The following MRTFA variants were observed in gnomAD, a reference collection of about 807,000 sequenced individuals.
MRTFA encodes the protein myocardin-related transcription factor A.
Under a neutral mutation model 83.5 loss-of-function variants are expected in MRTFA, and 20 were observed. The observed-to-expected ratio is 0.24, with a 90% CI of 0.17 to 0.35. MRTFA has a LOEUF of 0.35. Among genes scored for constraint, MRTFA ranks in the 10% least tolerant of loss-of-function variants. The pLI is 1.00. For synonymous variants in MRTFA, 659 were observed against 541.2 expected (o/e 1.22, Z -3.02); for missense variants, 1,200 against 1,224.7 (o/e 0.98, Z 0.30).
chr22:40,431,577 A>C, intron 5 of MRTFA, 97 bp from the exon 6 acceptor site: 1 of 1,141,318 alleles, frequency 8.8e-7, no homozygotes, highest in Non-Finnish European at 1.3e-6. Context: ...GTAGCTGCTG[A>C]CCACCTCTGC....
At chr22:40,581,627 A>T in intron 2 of MRTFA, among the ~76,000 whole-genome samples, 1 of 152,308 alleles carries the variant, frequency 6.6e-6, no homozygotes, top group East Asian at 1.9e-4. Flanking sequence ...TTAGTTCTAG[A>T]TTATAATATG....
At chr22:40,600,246 G>A (rs1207473193) in intron 1 of MRTFA, among the ~76,000 whole-genome samples, 1 of 152,086 alleles carries the variant, frequency 6.6e-6, no homozygotes, top group Non-Finnish European at 1.5e-5. Context: ...ACAAGTAAGG[G>A]AGGCAGAAAT....
At chr22:40,538,043 G>A (rs2055216675) in intron 3 of MRTFA, among the ~76,000 whole-genome samples, 1 of 21,898 alleles carries the variant, frequency 4.6e-5, no homozygotes, top group South Asian at 9.1e-4. Flanking sequence ...CCCTCTGCCC[G>A]GCCACCACCC....
chr22:40,511,997 A>G (rs1053598886), intron 3 of MRTFA, among the ~76,000 whole-genome samples: 4 of 152,218 alleles, frequency 2.6e-5, no homozygotes, highest in Admixed American at 2.6e-4. Flanking sequence ...AATCCTGAGT[A>G]GTACAGAACG....
At chr22:40,576,219 C>T (rs1051570105) in intron 2 of MRTFA, among the ~76,000 whole-genome samples, 3 of 151,740 alleles carry the variant, frequency 2.0e-5, no homozygotes, top group African/African-American at 7.3e-5. Context: ...TTAGTACAGA[C>T]GGGGTTTTGC....
chr22:40,456,425 C>T (rs749249122), intron 4 of MRTFA, among the ~76,000 whole-genome samples: 1 of 152,150 alleles, frequency 6.6e-6, no homozygotes, highest in Non-Finnish European at 1.5e-5. Context: ...CAGTGGCTCA[C>T]GCCTGTGATC....
chr22:40,606,229 T>C (rs1404539753), intron 1 of MRTFA, among the ~76,000 whole-genome samples: 2 of 152,254 alleles, frequency 1.3e-5, no homozygotes, highest in Non-Finnish European at 2.9e-5. Context: ...TAGTAGTGTT[T>C]GTAATTGATA....
At chr22:40,535,356 TTTTTTTTTTC>T (rs1284277144) in intron 3 of MRTFA, among the ~76,000 whole-genome samples, 1 of 136,638 alleles carries the variant, frequency 7.3e-6, no homozygotes, top group Non-Finnish European at 1.6e-5. Context: ...TTCTTTTTTT[TTTTTTTTTTC>T]TTTTTGAGAC....
intron 3 of MRTFA, among the ~76,000 whole-genome samples, chr22:40,500,019 T>TC (rs767286297): frequency 7.3e-6 from 1 of 137,092 alleles, no homozygotes; most frequent in Non-Finnish European, 1.5e-5. Context: ...AACGTCCGCC[T>TC]CCAGGGTTCA....
At position 40,483,694 on chromosome 22, in the gene MRTFA, A is replaced by T. The variant is rs865992877; in HGVS notation, c.242-20408T>A. Among the ~76,000 whole-genome samples the T allele has an allele frequency of 3.9e-5, 6 of 151,968 alleles. No homozygotes were observed. The South Asian group carries it at 6.2e-4, about 16-fold the overall frequency. ...AGTGAGACTGTCTCAATAAAAAAAA[A>T]AAAATTAAAATTAAAATAAAAAGAT... On this transcript the variant is annotated intron_variant, in intron 3 of 14. Coordinates refer to ENST00000355630, the MANE Select transcript of MRTFA (RefSeq NM_020831.6).
At chr22:40,603,996 G>A (rs984700054) in intron 1 of MRTFA, among the ~76,000 whole-genome samples, 12 of 151,874 alleles carry the variant, frequency 7.9e-5, no homozygotes, top group Admixed American at 1.3e-4. Flanking sequence ...TGTTTCAAAT[G>A]TTCCATAATA....
intron 1 of MRTFA, among the ~76,000 whole-genome samples, chr22:40,605,372 A>C (rs1244900858): frequency 6.6e-6 from 1 of 152,230 alleles, no homozygotes; most frequent in Non-Finnish European, 1.5e-5. Flanking sequence ...CTTTTTAGAT[A>C]TAGTGATAAG....
chr22:40,411,323 C>T lies in MRTFA; in HGVS notation c.*67G>A, dbSNP rs1172626475. 5.4e-6 allele frequency: 8 copies of T among 1,478,466 alleles called. No homozygotes were observed. In the East Asian group the frequency reaches 9.2e-5, roughly 17 times the overall value. The allele number at this position is 1,478,466 out of a possible 1,614,324, so 91.6% of individuals were successfully genotyped here. On this transcript the variant is annotated 3_prime_UTR_variant, in exon 15 of 15. Coordinates refer to ENST00000355630, the MANE Select transcript of MRTFA (RefSeq NM_020831.6). Reference sequence around the variant, plus strand: ...AACCATGTGGAGAGGCCGAATCACGCAGGAGAGCCACGCATTGGAGTACCC... The same window carrying T: ...AACCATGTGGAGAGGCCGAATCACGTAGGAGAGCCACGCATTGGAGTACCC...
chr22:40,513,329 G>A lies in MRTFA; in HGVS notation c.241+38777C>T, dbSNP rs531409023. Among the ~76,000 whole-genome samples, 17 of 152,216 alleles carry A rather than the reference G, an allele frequency of 1.1e-4. No homozygotes were observed. In the South Asian group the frequency reaches 1.2e-3, roughly 11 times the overall value. On this transcript the variant is annotated intron_variant, in intron 3 of 14. Transcript: ENST00000355630. ...GTTAAACTTCTTGCAGGCCTGGCAC[G>A]GTGGCTCACGCCTGTAATCCCACCA...
At chr22:40,412,190 A>G (rs2052569163) in intron 14 of MRTFA, 1 of 268,066 alleles carries the variant, frequency 3.7e-6, no homozygotes, top group Non-Finnish European at 6.9e-6. Flanking sequence ...ATTTGAACAG[A>G]CATTTTTCCA....
chr22:40,573,797 G>A (rs934936001), intron 2 of MRTFA, among the ~76,000 whole-genome samples: 1 of 151,888 alleles, frequency 6.6e-6, no homozygotes, highest in Admixed American at 6.6e-5. Context: ...TTCGCTGGGT[G>A]TGATGGCTCA....
chr22:40,578,801 T>C (rs972495324), intron 2 of MRTFA, among the ~76,000 whole-genome samples: 1 of 152,086 alleles, frequency 6.6e-6, no homozygotes, highest in Admixed American at 6.6e-5. Context: ...CACACACCTG[T>C]GGTCCCAGCT....
intron 3 of MRTFA, among the ~76,000 whole-genome samples, chr22:40,538,569 AAAT>A (rs1246820870): frequency 1.4e-5 from 1 of 73,088 alleles, no homozygotes; most frequent in Non-Finnish European, 2.9e-5. Context: ...ATCAATAAAA[AAAT>A]AAATTAAAAA....
chr22:40,447,650 G>A (rs1462780612), intron 4 of MRTFA, among the ~76,000 whole-genome samples: 1 of 152,172 alleles, frequency 6.6e-6, no homozygotes, highest in East Asian at 1.9e-4. Context: ...GGCTTCTGAG[G>A]TAACATAAAT....
Sources: allele counts gnomAD v4.1 joint callset (sites outside exome capture counted in the v4.1 genomes callset), GRCh38; gene constraint gnomAD v4.1.1; transcripts MANE v1.5; gene names NCBI Gene and HGNC (gene_info 2026-07-23, HGNC 2026-07-21).